The following PARD3B variants were observed in gnomAD, a reference collection of about 807,000 sequenced individuals.
PARD3B encodes par-3 family cell polarity regulator beta.
A neutral mutation model predicts 130.2 loss-of-function variants in PARD3B; 103 were observed. The observed-to-expected ratio is 0.79, with a 90% CI of 0.67 to 0.93. The LOEUF (loss-of-function observed/expected upper bound fraction) is 0.93. Ranked by LOEUF, PARD3B falls within the 40% of genes least tolerant of loss-of-function variation. PARD3B has a pLI of 0.00. For missense variants in PARD3B, 1,609 were observed against 1,499.2 expected (o/e 1.07, Z -1.21); for synonymous variants, 583 against 553.2 (o/e 1.05, Z -0.76).
rs1409193750 is a variant in PARD3B, at chr2:205,461,024, T to A, written c.3044+20352T>A. On this transcript the variant is annotated intron_variant, in intron 20 of 22. Coordinates refer to ENST00000406610, the MANE Select transcript of PARD3B (RefSeq NM_001302769.2). This position sits in a 1 kb window ranked among gnomAD's most constrained non-coding sequence, Gnocchi z 4.3. ...CCATAACATTCATTAAATTAATGAA[T>A]CTCCATTCAACAGATATTTATTGAG... Among the ~76,000 whole-genome samples the A allele has an allele frequency of 6.6e-6, 1 of 152,150 alleles. No individual in the cohort carries two copies. Among genetic ancestry groups the A allele is most frequent in the East Asian group, 1.9e-4 (1 of 5,196 alleles).
intron 2 of PARD3B, among the ~76,000 whole-genome samples, chr2:204,855,373 C>T (rs1268672793): frequency 6.6e-6 from 1 of 151,818 alleles, no homozygotes; most frequent in African/African-American, 2.4e-5. Flanking sequence ...TGAAACCCGT[C>T]TCTACTAAAA....
chr2:205,106,441 G>A (rs571382999), intron 5 of PARD3B, among the ~76,000 whole-genome samples: 2 of 151,948 alleles, frequency 1.3e-5, no homozygotes, highest in Admixed American at 6.6e-5. Flanking sequence ...GAGCTACCAC[G>A]CCCGGCCAAA....
At chr2:205,337,985 T>G (rs2105797700) in intron 18 of PARD3B, among the ~76,000 whole-genome samples, 1 of 151,934 alleles carries the variant, frequency 6.6e-6, no homozygotes, top group South Asian at 2.1e-4. Flanking sequence ...CCGTCTCTAC[T>G]TTTAGTTTTA....
intron 19 of PARD3B, among the ~76,000 whole-genome samples, chr2:205,430,285 G>A (rs849244): frequency 0.99 from 151,406 of 152,310 alleles, 75,257 homozygotes; most frequent in Middle Eastern, 1. Flanking sequence ...AAGTGAACCC[G>A]TGTAGTTCAA....
At chr2:205,474,053 T>C (rs1304619531) in intron 20 of PARD3B, among the ~76,000 whole-genome samples, 1 of 151,960 alleles carries the variant, frequency 6.6e-6, no homozygotes, top group African/African-American at 2.4e-5. Flanking sequence ...ATAGAGATGC[T>C]GAATCTGGTA....
At chr2:204,589,539 T>C (rs888747121) in intron 1 of PARD3B, among the ~76,000 whole-genome samples, 4 of 149,488 alleles carry the variant, frequency 2.7e-5, no homozygotes, top group African/African-American at 7.7e-5. Context: ...CAGTTAAATC[T>C]AGAAGACCAA....
chr2:205,457,391 C>CT (rs1334999086), intron 20 of PARD3B, among the ~76,000 whole-genome samples: 2 of 151,692 alleles, frequency 1.3e-5, no homozygotes, highest in East Asian at 3.9e-4. Context: ...TTATTTTCTC[C>CT]TTTTTTTGTC....
intron 3 of PARD3B, among the ~76,000 whole-genome samples, chr2:204,990,662 A>G (rs1693586874): frequency 6.6e-6 from 1 of 151,994 alleles, no homozygotes; most frequent in Non-Finnish European, 1.5e-5. Context: ...TATGCTACAA[A>G]TATCTTGCCC....
intron 2 of PARD3B, 121 bp from the exon 3 acceptor site, chr2:204,965,031 A>G (rs768514781): frequency 9.8e-6 from 8 of 815,546 alleles, no homozygotes; most frequent in Non-Finnish European, 1.5e-5. Flanking sequence ...AGTAACATTA[A>G]CATTTTAAGT....
At position 205,274,809 on chromosome 2, in the gene PARD3B, C is replaced by A. The variant is rs1015955310; in HGVS notation, c.2186-25721C>A. On this transcript the variant is annotated intron_variant, in intron 16 of 22. Transcript: ENST00000406610. This position sits in a 1 kb window ranked among gnomAD's most constrained non-coding sequence, Gnocchi z 4.2. ...ACATTTTCTCTTCTTGGCTTTTCAGCAAGTTGTCTATAGTATGTATATCAT... is the reference window on the plus strand; with the variant it reads ...ACATTTTCTCTTCTTGGCTTTTCAGAAAGTTGTCTATAGTATGTATATCAT... Among the ~76,000 whole-genome samples the A allele has an allele frequency of 2.6e-5, 4 of 152,092 alleles. No homozygotes were observed. Among genetic ancestry groups the A allele is most frequent in the South Asian group, 2.1e-4 (1 of 4,822 alleles).
intron 1 of PARD3B, among the ~76,000 whole-genome samples, chr2:204,571,201 C>A (rs2125068248): frequency 6.6e-6 from 1 of 152,274 alleles, no homozygotes; most frequent in Non-Finnish European, 1.5e-5. Flanking sequence ...GGGAAAAACA[C>A]TGAACTTGGC....
intron 1 of PARD3B, among the ~76,000 whole-genome samples, chr2:204,674,468 T>A (rs1323807853): frequency 6.9e-6 from 1 of 145,766 alleles, no homozygotes; most frequent in Non-Finnish European, 1.5e-5. Flanking sequence ...AGGCAAATAA[T>A]CCCTTACTAT....
chr2:205,385,919 T>TA (rs1296153210), intron 18 of PARD3B, among the ~76,000 whole-genome samples: 5 of 152,202 alleles, frequency 3.3e-5, no homozygotes, highest in South Asian at 4.1e-4. Flanking sequence ...TATTAATTTT[T>TA]AAAAAACATG....
chr2:204,763,283 T>G (rs988225152), intron 2 of PARD3B, among the ~76,000 whole-genome samples: 5 of 152,258 alleles, frequency 3.3e-5, no homozygotes, highest in African/African-American at 4.8e-5. Flanking sequence ...GTATATCTGC[T>G]ACCTTAAGTT....
chr2:205,616,828 G>C lies in PARD3B; in HGVS notation c.*1015G>C, dbSNP rs539439405. The C allele has an allele frequency of 6.5e-6, 1 of 153,126 alleles. No individual in the cohort carries two copies. Among genetic ancestry groups the C allele is most frequent in the Non-Finnish European group, 1.5e-5 (1 of 68,292 alleles). The allele number at this position is 153,126 out of a possible 1,614,324, so 9.5% of individuals were successfully genotyped here. On this transcript the variant is annotated 3_prime_UTR_variant, in exon 23 of 23. Transcript: ENST00000406610. ...TGCCAAGCAGTAACCATCTGCACTC[G>C]GGGACAGCGAGGAGCTGACCATGGC...
chr2:205,330,725 G>A (rs1398250104), intron 18 of PARD3B, among the ~76,000 whole-genome samples: 2 of 152,216 alleles, frequency 1.3e-5, no homozygotes, highest in Non-Finnish European at 2.9e-5. Flanking sequence ...TACAGAGGAA[G>A]TGGTGTTAGA....
At chr2:204,584,658 T>C (rs546929599) in intron 1 of PARD3B, among the ~76,000 whole-genome samples, 1 of 152,312 alleles carries the variant, frequency 6.6e-6, no homozygotes, top group African/African-American at 2.4e-5. Context: ...TTCTATGGGA[T>C]ATGATGTGGA....
chr2:205,461,825 G>A lies in PARD3B; in HGVS notation c.3044+21153G>A, dbSNP rs1489723307. The stretch of plus-strand genomic sequence containing the variant: ...TGCTGCTGGCCTGGGTTCTGTCGGT[G>A]GTGAATCATTAGTTTAAGGTGTCTT... On this transcript the variant is annotated intron_variant, in intron 20 of 22. Transcript: ENST00000406610. The surrounding 1 kb of genome is among the most constrained non-coding windows in gnomAD (Gnocchi z 4.3). 6.6e-6 allele frequency among the ~76,000 whole-genome samples: 1 copy of A among 152,110 alleles called. No individual in the cohort carries two copies. The highest frequency in any genetic ancestry group is 2.4e-5 in the African/African-American group (1 of 41,418).
chr2:205,361,823 C>T (rs548501256), intron 18 of PARD3B, among the ~76,000 whole-genome samples: 12 of 137,552 alleles, frequency 8.7e-5, no homozygotes, highest in Admixed American at 3.3e-4. Flanking sequence ...CTCTGGCCAA[C>T]AAGCTCCTCC....
Sources: gnomAD v4.1 joint callset for allele counts (sites outside exome capture counted in the v4.1 genomes callset) on GRCh38, gnomAD v4.1.1 for gene constraint, Gnocchi (gnomAD v3.1) non-coding constraint, MANE v1.5 for transcripts, NCBI Gene and HGNC (gene_info 2026-07-23, HGNC 2026-07-21) for gene names.